DNHD1: variants seen among roughly 807,000 people sequenced by gnomAD.
DNHD1 encodes the protein dynein heavy chain domain 1.
DNHD1 carries 383 observed loss-of-function variants against 458.1 expected under a neutral mutation model. That is an observed-to-expected ratio of 0.84 (90% CI 0.77 to 0.91). DNHD1 has a LOEUF of 0.91. Ranked by LOEUF, DNHD1 falls within the 40% of genes least tolerant of loss-of-function variation. The pLI, the probability that DNHD1 is intolerant of heterozygous loss-of-function variation, is 0.00. For missense variants in DNHD1, 5,336 were observed against 5,866.1 expected (o/e 0.91, Z 2.95); for synonymous variants, 2,203 against 2,376.9 (o/e 0.93, Z 2.13).
At chr11:6,547,715 G>A in intron 21 of DNHD1, 49 bp downstream of exon 21, 8 of 1,492,574 alleles carry the variant, frequency 5.4e-6, no homozygotes, top group Non-Finnish European at 7.2e-6. Context: ...CTTAAGGGTA[G>A]CTGGGGTATA....
intron 12 of DNHD1, among the ~76,000 whole-genome samples, chr11:6,530,835 TG>T (rs67073050): frequency 0.43 from 65,990 of 152,022 alleles, 15,342 homozygotes; most frequent in East Asian, 0.83. Flanking sequence ...TTTACTTCAC[TG>T]CTGCTGAGAA....
intron 10 of DNHD1, among the ~76,000 whole-genome samples, chr11:6,522,111 A>G (rs1030744994): frequency 6.6e-6 from 1 of 152,064 alleles, no homozygotes; most frequent in Non-Finnish European, 1.5e-5. Context: ...GCTTTTGTTC[A>G]TATGCTTGTT....
At position 6,557,791 on chromosome 11, in the gene DNHD1, G is replaced by A. The variant is rs1423250169; in HGVS notation, c.8496G>A (p.Glu2832=). The change falls in exon 25 of 43, where the codon GAG becomes GAA. Residue 2832 remains glutamate, a synonymous_variant. Transcript: ENST00000254579. ...SQELILGPNS[E]TPNLYLERQW... Reference sequence around the variant, plus strand: ...AGCTGATACTGGGGCCTAACTCTGAGACCCCCAACTTGTACCTGGAACGAC... The same window carrying A: ...AGCTGATACTGGGGCCTAACTCTGAAACCCCCAACTTGTACCTGGAACGAC... The A allele has an allele frequency of 8.4e-6, 13 of 1,551,556 alleles. No individual in the cohort carries two copies. Among genetic ancestry groups the A allele is most frequent in the Middle Eastern group, 1.7e-4 (1 of 5,992 alleles).
At position 6,548,443 on chromosome 11, in the gene DNHD1, G is replaced by A. The variant is rs1480721556; in HGVS notation, c.7098+41G>A. ...GGCAAGAGCTGGGGTTAGAACTTCA[G>A]GACTTATTTTAGGGGTAATCCATGT... On this transcript the variant is annotated intron_variant, in intron 23 of 42. Coordinates refer to ENST00000254579, the MANE Select transcript of DNHD1 (RefSeq NM_144666.3). The surrounding 1 kb of genome is among the most constrained non-coding windows in gnomAD (Gnocchi z 4.4). 1.9e-6 allele frequency: 3 copies of A among 1,540,524 alleles called. No homozygotes were observed. Among genetic ancestry groups the A allele is most frequent in the African/African-American group, 1.4e-5 (1 of 72,614 alleles).
rs16914748 is a variant in DNHD1 at position 6,520,075 on chromosome 11, A to G, written c.1758A>G (p.Leu586=). 6.1e-3 allele frequency: 9,927 copies of G among 1,614,156 alleles called. 533 individuals carry two copies. The African/African-American group carries it at 0.12, about 19-fold the overall frequency. The change falls in exon 9 of 43, where the codon CTA becomes CTG. Residue 586 remains leucine (L), a synonymous_variant. Transcript: ENST00000254579. ...ENMIQTLTGG[L]QSVKTSALQV... is the part of the protein sequence containing the mutation. ...TGATCCAGACTCTAACTGGAGGCCT[A>G]CAGTCTGTCAAGACCTCTGCCTTGC...
chr11:6,565,080 G>T (rs1004661531), intron 32 of DNHD1, among the ~76,000 whole-genome samples: 1 of 152,172 alleles, frequency 6.6e-6, no homozygotes, highest in Non-Finnish European at 1.5e-5. Context: ...GAAATCCTGG[G>T]GAATATTTCT....
In DNHD1 at chr11:6,559,146, C is replaced by G. The variant is rs1335191550; in HGVS notation, c.9417-35C>G. On this transcript the variant is annotated intron_variant, in intron 27 of 42. Coordinates refer to ENST00000254579, the MANE Select transcript of DNHD1 (RefSeq NM_144666.3). ...CCCTGCAGTGTACCTCCTTCTGCTC[C>G]TTTGGGTTTCCTCACCAGCACATTG... 3 of 1,551,656 alleles carry G rather than the reference C, an allele frequency of 1.9e-6. No homozygotes were observed. In the Admixed American group the frequency reaches 5.9e-5, roughly 30 times the overall value.
chr11:6,544,101 T>C lies in DNHD1; in HGVS notation c.3629-20T>C, dbSNP rs568589174. On this transcript the variant is annotated intron_variant, in intron 18 of 42. Coordinates refer to ENST00000254579, the MANE Select transcript of DNHD1 (RefSeq NM_144666.3). ...GGCCCTTGCCTCATCTGACTGCCAG[T>C]TCAGCTTTTTCTGTCTTAGATTACA... 24 of 1,550,854 alleles carry C rather than the reference T, an allele frequency of 1.5e-5. No individual in the cohort carries two copies. The African/African-American group carries it at 2.6e-4, about 17-fold the overall frequency.
In DNHD1 at chr11:6,546,237, G is replaced by A; in HGVS notation, c.5298G>A (p.Leu1766=). The part of the protein sequence containing the change: ...LGELHHLYAP[L]YQEASRNTST... ...AACTGCACCACTTGTATGCCCCACT[G>A]TACCAGGAGGCTTCCCGAAACACAA... The change falls in exon 21 of 43, where the codon CTG becomes CTA. Residue 1766 remains leucine, a synonymous_variant. Transcript: ENST00000254579. The A allele has an allele frequency of 1.3e-6, 2 of 1,552,148 alleles. No individual in the cohort carries two copies. The highest frequency in any genetic ancestry group is 1.7e-6 in the Non-Finnish European group (2 of 1,147,084).
At chr11:6,535,731 C>A (rs995604796) in intron 14 of DNHD1, among the ~76,000 whole-genome samples, 28 of 152,172 alleles carry the variant, frequency 1.8e-4, no homozygotes, top group African/African-American at 5.1e-4. Flanking sequence ...ATGCCAGGAG[C>A]TGACTGGCAT....
chr11:6,527,546 G>T (rs894090813), intron 10 of DNHD1, among the ~76,000 whole-genome samples: 1 of 152,180 alleles, frequency 6.6e-6, no homozygotes, highest in Non-Finnish European at 1.5e-5. Context: ...GTTCATTTTG[G>T]CTCTGTTAAA....
intron 16 of DNHD1, 128 bp from the exon 17 acceptor site, chr11:6,539,091 G>A (rs1398753143): frequency 4.2e-6 from 3 of 709,880 alleles, no homozygotes; most frequent in South Asian, 1.8e-5. Flanking sequence ...TTGGCTCTGT[G>A]TTGTGCTCTG....
At position 6,538,386 on chromosome 11, in the gene DNHD1, A is replaced by G; in HGVS notation, c.3002A>G (p.Asp1001Gly). 1 of 1,551,590 alleles carries G rather than the reference A, an allele frequency of 6.4e-7. No individual in the cohort carries two copies. The highest frequency in any genetic ancestry group is 8.7e-7 in the Non-Finnish European group (1 of 1,146,970). ...TCAAGTCAGCCCTCCCCCACAGAGG[A>G]TGAGACTCCTGTGCCCTTGCCAATC... is the stretch of plus-strand genomic sequence containing the variant. ...LHHAYAIFTE[D>G]ETPVPLPICG... is the part of the protein sequence containing the mutation. The change falls in exon 15 of 43, where the codon GAT (aspartate) becomes GGT (glycine). Residue 1001 changes from aspartate (D) to glycine (G), a missense_variant. This residue lies in a region of DNHD1 where 3,932 missense variants were observed against 4,365.6 expected (regional missense o/e 0.90). Coordinates refer to ENST00000254579, the MANE Select transcript of DNHD1 (RefSeq NM_144666.3).
In DNHD1 at chr11:6,556,833, C is replaced by G. The variant is rs990990860; in HGVS notation, c.7538C>G (p.Pro2513Arg). 1 of 1,551,552 alleles carries G rather than the reference C, an allele frequency of 6.4e-7. No individual in the cohort carries two copies. Among genetic ancestry groups the G allele is most frequent in the Non-Finnish European group, 8.7e-7 (1 of 1,146,998 alleles). Residue 2513 changes from proline to arginine, a missense_variant, in exon 25 of 43, where the codon CCA becomes CGA. Transcript: ENST00000254579. ...ACAGTGCCAGGATACTGTGAGCGCC[C>G]ACTGTGTCCACGCCTCTTTCGACTC... Reference protein sequence around the residue: ...TVTVPGYCERPLCPRLFRLFT... With the variant: ...TVTVPGYCERRLCPRLFRLFT...
intron 13 of DNHD1, 116 bp downstream of exon 13, chr11:6,533,300 T>C (rs529523427): frequency 9.1e-7 from 1 of 1,104,594 alleles, no homozygotes; most frequent in South Asian, 1.6e-5. Flanking sequence ...GCTCTTAAAC[T>C]GTGCTCGCCT....
At chr11:6,559,133 C>T (rs566891846) in intron 27 of DNHD1, 27 bp downstream of exon 27, 3 of 1,551,508 alleles carry the variant, frequency 1.9e-6, no homozygotes, top group Non-Finnish European at 2.6e-6. Flanking sequence ...CTGCAGTGTA[C>T]CTCCTTCTGC....
chr11:6,502,180 G>T (rs1345548103), intron 3 of DNHD1, among the ~76,000 whole-genome samples: 1 of 152,156 alleles, frequency 6.6e-6, no homozygotes, highest in African/African-American at 2.4e-5. Flanking sequence ...GAGTGTATTG[G>T]TGCAGGCTTG....
At chr11:6,513,500 A>T (rs1852388428) in intron 7 of DNHD1, among the ~76,000 whole-genome samples, 1 of 152,076 alleles carries the variant, frequency 6.6e-6, no homozygotes, top group Admixed American at 6.6e-5. Flanking sequence ...TTCACTCAAC[A>T]TTATGTTTGT....
rs775554860 is a variant in DNHD1, at chr11:6,566,639, C to A, written c.11259C>A (p.Asn3753Lys). 1 of 1,613,824 alleles carries A rather than the reference C, an allele frequency of 6.2e-7. No homozygotes were observed. Among genetic ancestry groups the A allele is most frequent in the East Asian group, 2.2e-5 (1 of 44,882 alleles). The change falls in exon 35 of 43, where the codon AAC (asparagine) becomes AAA (lysine). Residue 3753 changes from asparagine to lysine, a missense_variant. Physicochemically the swap from Asn to Lys is moderately conservative, Grantham distance 94. Transcript: ENST00000254579. ...TGAATGTGTTGGATCTGGGCCTGAA[C>A]ATGGAAATACTGGAAGAACAGATGC... The part of the protein sequence containing the change: ...KGLNVLDLGL[N>K]MEILEEQMLH...
Sources: gnomAD v4.1 joint callset for allele counts (sites outside exome capture counted in the v4.1 genomes callset) on GRCh38, gnomAD v4.1.1 for gene constraint, gnomAD v4.1.1 regional missense constraint, Gnocchi (gnomAD v3.1) non-coding constraint, MANE v1.5 for transcripts, NCBI Gene and HGNC (gene_info 2026-07-23, HGNC 2026-07-21) for gene names.